The following GPC5 variants were observed in gnomAD, a reference collection of about 807,000 sequenced individuals.
The protein encoded by GPC5 is glypican-5.
In GPC5, 47 loss-of-function variants were observed where a neutral mutation model predicts 53.9. That is an observed-to-expected ratio of 0.87 (90% CI 0.69 to 1.11). The LOEUF is 1.11. GPC5 is among the 50% of genes most tolerant of loss of function. The probability of loss-of-function intolerance (pLI) is 0.00; values close to 1 mark genes in which losing one functional copy is unlikely to be tolerated. For synonymous variants in GPC5, 286 were observed against 263.3 expected (o/e 1.09, Z -0.84); for missense variants, 748 against 713.1 (o/e 1.05, Z -0.56).
chr13:92,274,234 T>G (rs754041566), intron 7 of GPC5, among the ~76,000 whole-genome samples: 7 of 152,132 alleles, frequency 4.6e-5, no homozygotes, highest in Non-Finnish European at 1.0e-4. Flanking sequence ...ATGACCCTGG[T>G]CTCTGCTTAA....
At chr13:92,700,944 C>G (rs918463671) in intron 7 of GPC5, among the ~76,000 whole-genome samples, 1 of 152,024 alleles carries the variant, frequency 6.6e-6, no homozygotes. Flanking sequence ...AGGGTTTCTT[C>G]TGGGTTTTGT....
intron 3 of GPC5, among the ~76,000 whole-genome samples, chr13:91,713,275 C>G (rs1004106015): frequency 5.3e-5 from 8 of 152,096 alleles, no homozygotes; most frequent in Non-Finnish European, 1.2e-4. Context: ...AATGAAGCCA[C>G]TAAACTTATA....
intron 6 of GPC5, among the ~76,000 whole-genome samples, chr13:92,078,214 A>G (rs909243416): frequency 1.3e-5 from 2 of 152,176 alleles, no homozygotes; most frequent in Non-Finnish European, 2.9e-5. Context: ...AATTCATCCA[A>G]TTTCCCTCTG....
intron 2 of GPC5, among the ~76,000 whole-genome samples, chr13:91,631,146 G>A (rs2034147933): frequency 6.6e-6 from 1 of 152,128 alleles, no homozygotes; most frequent in African/African-American, 2.4e-5. Context: ...GAATATACCA[G>A]CATAGCCAGA....
At chr13:92,810,081 TA>T (rs1877239567) in intron 7 of GPC5, among the ~76,000 whole-genome samples, 2 of 152,092 alleles carry the variant, frequency 1.3e-5, no homozygotes, top group Admixed American at 6.6e-5. Flanking sequence ...TCTACGTTAA[TA>T]AAGCCCTCAA....
In GPC5 at chr13:92,588,286, T is replaced by C. The variant is rs542554874; in HGVS notation, c.1562-277996T>C. ...TTTTTTATGGCTGCATAGTATTCCA[T>C]GGTGTAAATGTACCACATTTCCTTT... On this transcript the variant is annotated intron_variant, in intron 7 of 7. Coordinates refer to ENST00000377067, the MANE Select transcript of GPC5 (RefSeq NM_004466.6). Among the ~76,000 whole-genome samples the C allele has an allele frequency of 2.4e-3, 372 of 152,336 alleles. 1 individual carries two copies. Among genetic ancestry groups the C allele is most frequent in the African/African-American group, 8.6e-3 (359 of 41,570 alleles).
chr13:91,520,846 T>G (rs1253909120), intron 2 of GPC5, among the ~76,000 whole-genome samples: 2 of 152,042 alleles, frequency 1.3e-5, no homozygotes, highest in African/African-American at 4.8e-5. Context: ...ACTAGAATAG[T>G]TTAACAGATA....
At chr13:91,584,880 A>T (rs1480182863) in intron 2 of GPC5, among the ~76,000 whole-genome samples, 3 of 152,202 alleles carry the variant, frequency 2.0e-5, no homozygotes, top group African/African-American at 4.8e-5. Flanking sequence ...TGCCAGGCCC[A>T]AAACTAAGAA....
At chr13:92,722,463 A>G (rs1457550760) in intron 7 of GPC5, among the ~76,000 whole-genome samples, 1 of 151,930 alleles carries the variant, frequency 6.6e-6, no homozygotes, top group African/African-American at 2.4e-5. Context: ...ACTTAACCAC[A>G]GAATAAAGCA....
At chr13:91,783,389 G>A (rs1487598804) in intron 5 of GPC5, among the ~76,000 whole-genome samples, 2 of 152,078 alleles carry the variant, frequency 1.3e-5, no homozygotes, top group African/African-American at 2.4e-5. Context: ...TTTAGAAACT[G>A]ACAAAAGACA....
intron 1 of GPC5, among the ~76,000 whole-genome samples, chr13:91,423,618 A>G (rs1269245122): frequency 6.6e-6 from 1 of 152,164 alleles, no homozygotes; most frequent in Non-Finnish European, 1.5e-5. Context: ...TGTTGGTCAA[A>G]GGCTACAACG....
At chr13:91,797,681 G>A (rs2038068094) in intron 5 of GPC5, among the ~76,000 whole-genome samples, 1 of 152,206 alleles carries the variant, frequency 6.6e-6, no homozygotes, top group South Asian at 2.1e-4. Flanking sequence ...CGGTTTGAAT[G>A]AGTTTCATCC....
chr13:92,068,397 T>C (rs2041183720), intron 6 of GPC5, among the ~76,000 whole-genome samples: 1 of 151,818 alleles, frequency 6.6e-6, no homozygotes, highest in Non-Finnish European at 1.5e-5. Flanking sequence ...GATAGCTATA[T>C]TTAGTTATTA....
At chr13:91,654,624 T>A (rs2034802802) in intron 2 of GPC5, among the ~76,000 whole-genome samples, 1 of 152,212 alleles carries the variant, frequency 6.6e-6, no homozygotes, top group Admixed American at 6.5e-5. Flanking sequence ...ATTTTAATAT[T>A]TGACTTCATT....
intron 2 of GPC5, among the ~76,000 whole-genome samples, chr13:91,500,376 C>G (rs1429230841): frequency 6.6e-6 from 1 of 152,142 alleles, no homozygotes; most frequent in Non-Finnish European, 1.5e-5. Context: ...ATGTGGCTGG[C>G]CATCTGATAT....
chr13:92,294,602 G>T (rs115110226), intron 7 of GPC5, among the ~76,000 whole-genome samples: 7,275 of 151,700 alleles, frequency 0.048, 603 homozygotes, highest in African/African-American at 0.17. Flanking sequence ...TTCTTTCTTG[G>T]TTAATCTTGT....
chr13:92,385,519 C>CATATACATACATACAT (rs1481687635), intron 7 of GPC5, among the ~76,000 whole-genome samples: 1 of 74,182 alleles, frequency 1.3e-5, no homozygotes, highest in South Asian at 4.3e-4. Context: ...TATATACATA[C>CATATACATACATACAT]ATATGCATAT....
intron 2 of GPC5, among the ~76,000 whole-genome samples, chr13:91,584,081 C>T (rs2139106819): frequency 6.6e-6 from 1 of 152,202 alleles, no homozygotes; most frequent in Middle Eastern, 3.4e-3. Flanking sequence ...GACACATGCA[C>T]AGAGGGAAGG....
At chr13:92,789,735 C>A (rs901064599) in intron 7 of GPC5, among the ~76,000 whole-genome samples, 1 of 151,972 alleles carries the variant, frequency 6.6e-6, no homozygotes, top group African/African-American at 2.4e-5. Context: ...CTGAAGGTGT[C>A]TTAGGGTTCT....
Sources: gnomAD v4.1 joint callset for allele counts (sites outside exome capture counted in the v4.1 genomes callset) on GRCh38, gnomAD v4.1.1 for gene constraint, MANE v1.5 for transcripts, NCBI Gene and HGNC (gene_info 2026-07-23, HGNC 2026-07-21) for gene names.